Variants in C12orf60 observed in about 807,000 individuals in gnomAD.
C12orf60 encodes the protein chromosome 12 open reading frame 60.
For missense variants in C12orf60, 284 were observed against 283.2 expected (o/e 1.00, Z -0.02); for synonymous variants, 102 against 94.6 (o/e 1.08, Z -0.45).
At chr12:14,822,179 G>A (rs977738516) in intron 1 of C12orf60, among the ~76,000 whole-genome samples, 7 of 147,030 alleles carry the variant, frequency 4.8e-5, no homozygotes, top group Non-Finnish European at 9.0e-5. Flanking sequence ...GGATCTGCCC[G>A]GCAGAGCCCC....
At chr12:14,813,273 T>C (rs1427458990) in intron 1 of C12orf60, among the ~76,000 whole-genome samples, 1 of 152,226 alleles carries the variant, frequency 6.6e-6, no homozygotes, top group African/African-American at 2.4e-5. Flanking sequence ...TGCTGTCACT[T>C]TTCTTCACTG....
chr12:14,821,108 C>T (rs186046426), intron 1 of C12orf60, among the ~76,000 whole-genome samples: 50 of 152,144 alleles, frequency 3.3e-4, no homozygotes, highest in Admixed American at 2.0e-3. Flanking sequence ...TTAAGTGTAA[C>T]ATTTAATCTT....
At chr12:14,820,438 T>G (rs1950288653) in intron 1 of C12orf60, among the ~76,000 whole-genome samples, 1 of 152,064 alleles carries the variant, frequency 6.6e-6, no homozygotes, top group African/African-American at 2.4e-5. Flanking sequence ...TTAAAATTAT[T>G]CATTTTATAT....
chr12:14,806,140 C>T lies in C12orf60; in HGVS notation c.-25+2389C>T, dbSNP rs75463413. 316 of 1,614,054 alleles carry T rather than the reference C, an allele frequency of 2.0e-4. 1 individual carries two copies. The African/African-American group carries it at 3.7e-3, about 19-fold the overall frequency. Reference sequence around the variant, plus strand: ...TGAAGCTGTGTTTTTTCCACTGCTCCCAGGATGGCACGGACAATCATATCT... The same window carrying T: ...TGAAGCTGTGTTTTTTCCACTGCTCTCAGGATGGCACGGACAATCATATCT... On this transcript the variant is annotated intron_variant, in intron 1 of 1. Coordinates refer to ENST00000330828, the MANE Select transcript of C12orf60 (RefSeq NM_175874.4).
At chr12:14,811,172 T>C (rs1230815633) in intron 1 of C12orf60, among the ~76,000 whole-genome samples, 1 of 152,230 alleles carries the variant, frequency 6.6e-6, no homozygotes, top group Non-Finnish European at 1.5e-5. Flanking sequence ...AAAGTTCCAC[T>C]TGGGGAATTA....
chr12:14,811,830 A>G (rs565874153), intron 1 of C12orf60, among the ~76,000 whole-genome samples: 1 of 152,340 alleles, frequency 6.6e-6, no homozygotes, highest in Admixed American at 6.5e-5. Context: ...TGTTGAACTT[A>G]GAAATTAATA....
intron 1 of C12orf60, among the ~76,000 whole-genome samples, chr12:14,813,673 C>T (rs1476427358): frequency 6.6e-6 from 1 of 152,154 alleles, no homozygotes; most frequent in Non-Finnish European, 1.5e-5. Flanking sequence ...TTAGATACAA[C>T]ATAATTTATG....
At chr12:14,805,296 C>T (rs957272665) in intron 1 of C12orf60, 1 of 152,204 alleles carries the variant, frequency 6.6e-6, no homozygotes, top group Non-Finnish European at 1.5e-5. Flanking sequence ...TTTGAACATT[C>T]ACTTGAGCGA....
chr12:14,809,008 T>C (rs1320678204), intron 1 of C12orf60, among the ~76,000 whole-genome samples: 3 of 152,260 alleles, frequency 2.0e-5, no homozygotes, highest in African/African-American at 7.2e-5. Flanking sequence ...TTTGTCTTTT[T>C]TGACTCCCGG....
chr12:14,816,909 T>G (rs922588723), intron 1 of C12orf60, among the ~76,000 whole-genome samples: 16 of 152,136 alleles, frequency 1.1e-4, no homozygotes, highest in African/African-American at 3.9e-4. Context: ...ACCCAGCTAA[T>G]TTTTGTATTT....
chr12:14,806,155 C>G (rs61732281), intron 1 of C12orf60: 1 of 1,613,980 alleles, frequency 6.2e-7, no homozygotes, highest in African/African-American at 1.3e-5. Flanking sequence ...ATGGCACGGA[C>G]AATCATATCT....
rs746435652 is a variant in C12orf60 at position 14,806,037 on chromosome 12, T to A, written c.-25+2286T>A. On this transcript the variant is annotated intron_variant, in intron 1 of 1. Transcript: ENST00000330828. ...TTGGTGTTTCACTGTATTGATGACCTCAGTAATGGCATGATTATATTTTTC... is the reference window on the plus strand; with the variant it reads ...TTGGTGTTTCACTGTATTGATGACCACAGTAATGGCATGATTATATTTTTC... 49 of 1,613,886 alleles carry A rather than the reference T, an allele frequency of 3.0e-5. No individual in the cohort carries two copies. Among genetic ancestry groups the A allele is most frequent in the Non-Finnish European group, 4.1e-5 (48 of 1,179,928 alleles).
chr12:14,817,954 A>G (rs1352583705), intron 1 of C12orf60, among the ~76,000 whole-genome samples: 1 of 152,210 alleles, frequency 6.6e-6, no homozygotes, highest in Non-Finnish European at 1.5e-5. Context: ...CTAACAGGGT[A>G]AAAGCATTCC....
At chr12:14,817,385 A>C (rs536290518) in intron 1 of C12orf60, among the ~76,000 whole-genome samples, 2 of 152,050 alleles carry the variant, frequency 1.3e-5, no homozygotes, top group African/African-American at 4.8e-5. Context: ...AAAAGGGAGG[A>C]TACATGTGCA....
At chr12:14,815,287 C>G (rs1950198425) in intron 1 of C12orf60, among the ~76,000 whole-genome samples, 1 of 152,136 alleles carries the variant, frequency 6.6e-6, no homozygotes, top group Non-Finnish European at 1.5e-5. Flanking sequence ...AGGGCCCCAC[C>G]ACGTACGGAT....
intron 1 of C12orf60, among the ~76,000 whole-genome samples, chr12:14,804,135 C>A (rs1485079185): frequency 6.6e-6 from 1 of 152,124 alleles, no homozygotes; most frequent in Admixed American, 6.5e-5. Context: ...CATATGCAGT[C>A]GGTTTTAAGT....
At chr12:14,821,523 A>G (rs1177631891) in intron 1 of C12orf60, among the ~76,000 whole-genome samples, 1 of 152,178 alleles carries the variant, frequency 6.6e-6, no homozygotes, top group African/African-American at 2.4e-5. Flanking sequence ...AGATTATAAT[A>G]TACTTCCACA....
intron 1 of C12orf60, among the ~76,000 whole-genome samples, chr12:14,809,316 G>T (rs1248597288): frequency 2.6e-5 from 4 of 152,012 alleles, no homozygotes; most frequent in African/African-American, 9.7e-5. Flanking sequence ...ACAACTTCAC[G>T]AATTAATCGT....
chr12:14,806,756 A>G, intron 1 of C12orf60: 1 of 1,409,048 alleles, frequency 7.1e-7, no homozygotes, highest in Non-Finnish European at 9.6e-7. Context: ...CTAACTGTGT[A>G]GAAGGGACTA....
Sources: allele counts gnomAD v4.1 joint callset (sites outside exome capture counted in the v4.1 genomes callset), GRCh38; gene constraint gnomAD v4.1.1; transcripts MANE v1.5; gene names NCBI Gene and HGNC (gene_info 2026-07-23, HGNC 2026-07-21).